Variants in MAPKAPK2 observed in about 807,000 individuals in gnomAD.
MAPKAPK2 encodes MAPK activated protein kinase 2.
Under a neutral mutation model 48.8 loss-of-function variants are expected in MAPKAPK2, and 9 were observed. The observed-to-expected ratio is 0.18, with a 90% CI of 0.11 to 0.32. The LOEUF is 0.32. Ranked by LOEUF, MAPKAPK2 falls within the 10% of genes least tolerant of loss-of-function variation. The probability of loss-of-function intolerance (pLI) is 1.00; values close to 1 mark genes in which losing one functional copy is unlikely to be tolerated. For missense variants in MAPKAPK2, 331 were observed against 498.3 expected, an observed-to-expected ratio of 0.66 and a Z score of 3.20; for synonymous variants, 202 against 190.6, an observed-to-expected ratio of 1.06 and a Z score of -0.49.
At chr1:206,719,762 C>G (rs1673456659) in intron 1 of MAPKAPK2, among the ~76,000 whole-genome samples, 1 of 152,192 alleles carries the variant, frequency 6.6e-6, no homozygotes, top group African/African-American at 2.4e-5. Flanking sequence ...ACATCTTGCT[C>G]CAGCCTATAA....
chr1:206,726,327 C>T (rs1553431839), intron 1 of MAPKAPK2, among the ~76,000 whole-genome samples: 1 of 152,250 alleles, frequency 6.6e-6, no homozygotes, highest in East Asian at 1.9e-4. Flanking sequence ...GCGGAGGTTA[C>T]AGTGAGCCAA....
chr1:206,705,830 C>T (rs1234608944), intron 1 of MAPKAPK2, among the ~76,000 whole-genome samples: 8 of 152,090 alleles, frequency 5.3e-5, no homozygotes, highest in Admixed American at 1.3e-4. Context: ...GAACGTTGGT[C>T]GGAGGTGGAT....
rs1673986311 is a variant in MAPKAPK2 at position 206,733,173 on chromosome 1, C to T, written c.*455C>T. 1 of 160,392 alleles carries T rather than the reference C, an allele frequency of 6.2e-6. No individual in the cohort carries two copies. The highest frequency in any genetic ancestry group is 2.4e-5 in the African/African-American group (1 of 41,578). The allele number at this position is 160,392 out of a possible 1,614,324, so 9.9% of individuals were successfully genotyped here. The stretch of plus-strand genomic sequence containing the variant: ...AACAGCCTGGGGTTGTCCCCGCTGG[C>T]TCACGCGTTCTGGGAGCTCAAGGCC... On this transcript the variant is annotated 3_prime_UTR_variant, in exon 10 of 10. Transcript: ENST00000367103.
chr1:206,722,284 C>T (rs186710266), intron 1 of MAPKAPK2, among the ~76,000 whole-genome samples: 5 of 152,062 alleles, frequency 3.3e-5, no homozygotes, highest in African/African-American at 9.6e-5. Context: ...GGCGTGAACC[C>T]GGGAAGCGGA....
At chr1:206,716,697 G>A (rs150028590) in intron 1 of MAPKAPK2, among the ~76,000 whole-genome samples, 228 of 152,196 alleles carry the variant, frequency 1.5e-3, no homozygotes, top group African/African-American at 5.3e-3. Flanking sequence ...GCACAGGGTC[G>A]TATGCATGGG....
In MAPKAPK2 at chr1:206,732,027, T is replaced by C; in HGVS notation, c.1059+108T>C. 1.9e-6 allele frequency: 3 copies of C among 1,614,070 alleles called. No homozygotes were observed. The highest frequency in any genetic ancestry group is 2.5e-6 in the Non-Finnish European group (3 of 1,180,004). ...GTAGGGGAGAGCTTGATTCTGCCTC[T>C]CTCATCCCAGGGGTGTCTTCATGAC... is the stretch of plus-strand genomic sequence containing the variant. On this transcript the variant is annotated intron_variant, in intron 9 of 9. Transcript: ENST00000367103. This position sits in a 1 kb window ranked among gnomAD's most constrained non-coding sequence, Gnocchi z 4.4.
At chr1:206,727,139 A>G (rs1485635804) in intron 1 of MAPKAPK2, among the ~76,000 whole-genome samples, 5 of 152,152 alleles carry the variant, frequency 3.3e-5, no homozygotes, top group Admixed American at 6.5e-5. Context: ...TCCCATGAAG[A>G]TGCTAAATCT....
chr1:206,732,280 G>A lies in MAPKAPK2; in HGVS notation c.1060-295G>A, dbSNP rs141688005. 61 of 1,450,910 alleles carry A rather than the reference G, an allele frequency of 4.2e-5. No individual in the cohort carries two copies. The highest frequency in any genetic ancestry group is 5.2e-5 in the Non-Finnish European group (57 of 1,104,320). 89.9% of individuals were successfully genotyped at this position (1,450,910 alleles called of 1,614,324 possible). The stretch of plus-strand genomic sequence containing the variant: ...AGCTGGTGACTGGTTGGGGCAGACC[G>A]GACCCAGGTTTCCTGACTCCTGGCC... On this transcript the variant is annotated intron_variant, in intron 9 of 9. Transcript: ENST00000367103. This position sits in a 1 kb window ranked among gnomAD's most constrained non-coding sequence, Gnocchi z 4.4.
chr1:206,685,491 G>A lies in MAPKAPK2; in HGVS notation c.262G>A (p.Glu88Lys). ...GCAGATCTTCAACAAGAGGACCCAG[G>A]AGAAATTCGCCCTCAAAGTAGGTCT... ...VLQIFNKRTQ[E>K]KFALKMLQDC... The change falls in exon 1 of 10, where the codon GAG becomes AAG. Residue 88 changes from glutamate to lysine, a missense_variant. Physicochemically the swap from Glu to Lys is moderately conservative, Grantham distance 56 (BLOSUM62 1). Coordinates refer to ENST00000367103, the MANE Select transcript of MAPKAPK2 (RefSeq NM_032960.4). 1 of 1,533,720 alleles carries A rather than the reference G, an allele frequency of 6.5e-7. No individual in the cohort carries two copies. The highest frequency in any genetic ancestry group is 2.8e-5 in the East Asian group (1 of 36,324).
chr1:206,713,270 A>G (rs1405159618), intron 1 of MAPKAPK2, among the ~76,000 whole-genome samples: 1 of 152,174 alleles, frequency 6.6e-6, no homozygotes, highest in Non-Finnish European at 1.5e-5. Flanking sequence ...AAGTGGTCAG[A>G]GAGGCTTCAC....
chr1:206,695,599 C>T (rs569615230), intron 1 of MAPKAPK2, among the ~76,000 whole-genome samples: 4 of 152,070 alleles, frequency 2.6e-5, no homozygotes, highest in Admixed American at 6.5e-5. Context: ...GCCTGTCCCC[C>T]GTCCTGTCTA....
intron 1 of MAPKAPK2, among the ~76,000 whole-genome samples, chr1:206,718,906 C>T (rs1673427264): frequency 6.6e-6 from 1 of 152,228 alleles, no homozygotes; most frequent in African/African-American, 2.4e-5. Context: ...TCTCTACCAA[C>T]TGAATGTGTA....
intron 1 of MAPKAPK2, among the ~76,000 whole-genome samples, chr1:206,711,607 C>CTTTTTTTTTTTTTT (rs781793889): frequency 1.7e-5 from 2 of 115,504 alleles, no homozygotes; most frequent in Non-Finnish European, 3.5e-5. Flanking sequence ...CTACCTCATT[C>CTTTTTTTTTTTTTT]TTTTTTTTTT....
At chr1:206,698,373 T>C (rs533616098) in intron 1 of MAPKAPK2, among the ~76,000 whole-genome samples, 5 of 152,316 alleles carry the variant, frequency 3.3e-5, no homozygotes, top group African/African-American at 1.2e-4. Flanking sequence ...ACCCCTGCCT[T>C]TCTAAGCAGG....
chr1:206,691,502 T>TATATATATATATATATATATATATAC (rs1553426248), intron 1 of MAPKAPK2, among the ~76,000 whole-genome samples: 228 of 132,580 alleles, frequency 1.7e-3, no homozygotes, highest in African/African-American at 3.1e-3. Flanking sequence ...TATATATATA[T>TATATATATATATATATATATATATAC]ATACACACAT....
intron 1 of MAPKAPK2, chr1:206,696,098 CA>C: frequency 7.9e-7 from 1 of 1,270,890 alleles, no homozygotes; most frequent in South Asian, 1.2e-5. Flanking sequence ...TTCATCCTAC[CA>C]GTCACACGGC....
rs1672892952 is a variant in MAPKAPK2, at chr1:206,704,479, T to C, written c.279+18971T>C. Among the ~76,000 whole-genome samples, 1 of 152,144 alleles carries C rather than the reference T, an allele frequency of 6.6e-6. No individual in the cohort carries two copies. Among genetic ancestry groups the C allele is most frequent in the Non-Finnish European group, 1.5e-5 (1 of 68,032 alleles). ...ACTGACTGCTGATGTGTACAGTACA[T>C]TGAAAGCAGTCACCCAACTTCCTTT... is the stretch of plus-strand genomic sequence containing the variant. On this transcript the variant is annotated intron_variant, in intron 1 of 9. Coordinates refer to ENST00000367103, the MANE Select transcript of MAPKAPK2 (RefSeq NM_032960.4). The surrounding 1 kb of genome is among the most constrained non-coding windows in gnomAD (Gnocchi z 4.3).
chr1:206,712,029 G>A (rs556912666), intron 1 of MAPKAPK2, among the ~76,000 whole-genome samples: 3 of 152,210 alleles, frequency 2.0e-5, no homozygotes, highest in South Asian at 2.1e-4. Context: ...CCATTTAATC[G>A]ATGAGTTCAA....
chr1:206,709,025 T>C (rs1331032141), intron 1 of MAPKAPK2, among the ~76,000 whole-genome samples: 2 of 152,254 alleles, frequency 1.3e-5, no homozygotes, highest in East Asian at 3.8e-4. Flanking sequence ...AGTTTTGGGC[T>C]ATGATGAATA....
Sources: gnomAD v4.1 joint callset for allele counts (sites outside exome capture counted in the v4.1 genomes callset) on GRCh38, gnomAD v4.1.1 for gene constraint, Gnocchi (gnomAD v3.1) non-coding constraint, MANE v1.5 for transcripts, NCBI Gene and HGNC (gene_info 2026-07-23, HGNC 2026-07-21) for gene names.